Variants in WLS observed in about 807,000 individuals in gnomAD.
WLS encodes the protein protein wntless homolog.
Under a neutral mutation model 62.8 loss-of-function variants are expected in WLS, and 23 were observed. That is an observed-to-expected ratio of 0.37 (90% confidence interval 0.26 to 0.52). The LOEUF (loss-of-function observed/expected upper bound fraction) is 0.52. WLS is among the 20% of genes least tolerant of loss of function. The probability of loss-of-function intolerance (pLI) is 0.92; values close to 1 mark genes in which losing one functional copy is unlikely to be tolerated. For missense variants in WLS, 615 were observed against 697.3 expected (o/e 0.88, Z 1.33); for synonymous variants, 246 against 244.1 (o/e 1.01, Z -0.07).
At chr1:68,173,588 G>T (rs1233925329) in intron 2 of WLS, among the ~76,000 whole-genome samples, 2 of 152,146 alleles carry the variant, frequency 1.3e-5, no homozygotes, top group Admixed American at 1.3e-4. Context: ...CAGTGCAGAG[G>T]GAGTCCAGGA....
chr1:68,133,117 G>A (rs1480992756), intron 11 of WLS, among the ~76,000 whole-genome samples: 1 of 152,092 alleles, frequency 6.6e-6, no homozygotes, highest in East Asian at 1.9e-4. Flanking sequence ...TGAAGGAAAG[G>A]TAACTAAAAT....
chr1:68,134,378 C>T (rs980218168), intron 11 of WLS, among the ~76,000 whole-genome samples: 12 of 152,212 alleles, frequency 7.9e-5, no homozygotes, highest in Admixed American at 7.2e-4. Flanking sequence ...GAAGGGCCCA[C>T]AAGCTGCCAG....
At position 68,148,241 on chromosome 1, in the gene WLS, C is replaced by A. The variant is rs373490737; in HGVS notation, c.1071-42G>T. 3.1e-5 allele frequency: 49 copies of A among 1,602,600 alleles called. No individual in the cohort carries two copies. The East Asian group carries it at 4.2e-4, about 14-fold the overall frequency. On this transcript the variant is annotated intron_variant, in intron 7 of 11. Coordinates refer to ENST00000262348, the MANE Select transcript of WLS (RefSeq NM_024911.7). ...ATGGAAAGGCAAGACACAATTAATA[C>A]AAAGGCAACGGGAACTTTCCTTTTC...
chr1:68,203,575 A>T (rs988181387), intron 1 of WLS, among the ~76,000 whole-genome samples: 17 of 152,184 alleles, frequency 1.1e-4, no homozygotes, highest in Non-Finnish European at 2.4e-4. Context: ...ATGAAAATGC[A>T]CTAAACTCCC....
At chr1:68,154,422 A>G (rs541291158) in intron 4 of WLS, among the ~76,000 whole-genome samples, 194 of 152,340 alleles carry the variant, frequency 1.3e-3, no homozygotes, top group African/African-American at 4.4e-3. Flanking sequence ...ATGCTAATCA[A>G]TATTGGAAAG....
chr1:68,206,754 A>G (rs1649297151), intron 1 of WLS, among the ~76,000 whole-genome samples: 1 of 152,224 alleles, frequency 6.6e-6, no homozygotes, highest in African/African-American at 2.4e-5. Context: ...AGTTTTCTCA[A>G]CTGTAAAAGG....
chr1:68,195,011 A>G (rs533120772), intron 1 of WLS, among the ~76,000 whole-genome samples: 1 of 152,216 alleles, frequency 6.6e-6, no homozygotes, highest in Admixed American at 6.5e-5. Context: ...CCAAAATCCC[A>G]CTAGAGGGAA....
chr1:68,194,237 GAA>G lies in WLS; in HGVS notation c.107-12_107-11del, dbSNP rs764780511. 6.2e-7 allele frequency: 1 copy of G among 1,612,444 alleles called. No individual in the cohort carries two copies. Among genetic ancestry groups the G allele is most frequent in the Non-Finnish European group, 8.5e-7 (1 of 1,179,138 alleles). On this transcript the variant is annotated splice_polypyrimidine_tract_variant and intron_variant, in intron 1 of 11. Coordinates refer to ENST00000262348, the MANE Select transcript of WLS (RefSeq NM_024911.7). ...GTTGTGGGCCCTGGAGCTGAAAAGAGAAAGTTTGTCTGTTTTAGAAAAGCCAT... is the reference window on the plus strand; with the variant it reads ...GTTGTGGGCCCTGGAGCTGAAAAGAGAGTTTGTCTGTTTTAGAAAAGCCAT...
chr1:68,159,712 G>A (rs112048136), intron 2 of WLS, among the ~76,000 whole-genome samples: 13 of 152,170 alleles, frequency 8.5e-5, no homozygotes, highest in African/African-American at 2.4e-4. Context: ...TCTCAGACAC[G>A]TCCCTCTGGG....
At chr1:68,107,746 AT>A (rs544027154) in intron 11 of WLS, among the ~76,000 whole-genome samples, 108 of 152,162 alleles carry the variant, frequency 7.1e-4, no homozygotes, top group African/African-American at 2.4e-3. Flanking sequence ...GGCAGGGGCT[AT>A]TTTTTTATTA....
chr1:68,150,182 T>C lies in WLS; in HGVS notation c.972+6A>G, dbSNP rs1646807422. 2 of 1,613,726 alleles carry C rather than the reference T, an allele frequency of 1.2e-6. No individual in the cohort carries two copies. The highest frequency in any genetic ancestry group is 1.1e-5 in the South Asian group (1 of 91,044). ...ACAGACGTCTGTCCCTCCCGGCGGC[T>C]CTTACCATCATGTGCTCGCCACAGA... On this transcript the variant is annotated splice_donor_region_variant and intron_variant, in intron 6 of 11. Transcript: ENST00000262348.
chr1:68,140,120 C>G lies in WLS; in HGVS notation c.1363-2187G>C, dbSNP rs1646665711. Among the ~76,000 whole-genome samples the G allele has an allele frequency of 3.3e-5, 5 of 152,192 alleles. No individual in the cohort carries two copies. In the South Asian group the frequency reaches 1.0e-3, roughly 31 times the overall value. On this transcript the variant is annotated intron_variant, in intron 10 of 11. Coordinates refer to ENST00000262348, the MANE Select transcript of WLS (RefSeq NM_024911.7). ...TTTTACATGAAACACATTATTTAGT[C>G]TTATTAATGACGCTGTGAGGTAGGT...
chr1:68,118,791 A>G (rs1248160618), intron 11 of WLS, among the ~76,000 whole-genome samples: 3 of 146,514 alleles, frequency 2.0e-5, no homozygotes, highest in Non-Finnish European at 4.5e-5. Context: ...CAGGAGAATC[A>G]CTTTGAACCC....
At chr1:68,113,073 GC>G (rs749141500) in intron 11 of WLS, among the ~76,000 whole-genome samples, 7 of 152,116 alleles carry the variant, frequency 4.6e-5, no homozygotes, top group African/African-American at 7.2e-5. Context: ...TCAGCCTGAG[GC>G]CCATGCTCCT....
chr1:68,147,348 AT>A (rs1342879162), intron 8 of WLS, among the ~76,000 whole-genome samples: 1 of 152,194 alleles, frequency 6.6e-6, no homozygotes, highest in Non-Finnish European at 1.5e-5. Flanking sequence ...TGAGGAAATG[AT>A]ACTACTGATT....
At chr1:68,148,704 G>A in intron 6 of WLS, 44 bp from the exon 7 acceptor site, 1 of 1,585,922 alleles carries the variant, frequency 6.3e-7, no homozygotes. Context: ...GGGAGAGGAA[G>A]ACCAAGCAAT....
intron 1 of WLS, among the ~76,000 whole-genome samples, chr1:68,194,431 C>T (rs1264664043): frequency 6.6e-6 from 1 of 152,128 alleles, no homozygotes; most frequent in Non-Finnish European, 1.5e-5. Context: ...CTCTGAGAAC[C>T]TTCCCATTAT....
intron 11 of WLS, among the ~76,000 whole-genome samples, chr1:68,106,755 TGTGG>T (rs1646152017): frequency 6.7e-6 from 1 of 150,236 alleles, no homozygotes; most frequent in African/African-American, 2.5e-5. Context: ...TGTGTGTATG[TGTGG>T]GTAGGTGGGT....
At chr1:68,207,629 A>G (rs1312453796) in intron 1 of WLS, among the ~76,000 whole-genome samples, 2 of 152,216 alleles carry the variant, frequency 1.3e-5, no homozygotes, top group African/African-American at 4.8e-5. Context: ...CAATTACAAA[A>G]AGAGAGTAAG....
Sources: allele counts gnomAD v4.1 joint callset (sites outside exome capture counted in the v4.1 genomes callset), GRCh38; gene constraint gnomAD v4.1.1; transcripts MANE v1.5; gene names NCBI Gene and HGNC (gene_info 2026-07-23, HGNC 2026-07-21).